The following HTR3E variants were observed in gnomAD, a reference collection of about 807,000 sequenced individuals.
HTR3E encodes 5-hydroxytryptamine (serotonin) receptor 3, family member E.
Under a neutral mutation model 38.0 loss-of-function variants are expected in HTR3E, and 38 were observed. That is an observed-to-expected ratio of 1.00 (90% confidence interval 0.77 to 1.31). HTR3E has a LOEUF of 1.31. Among genes scored for constraint, HTR3E ranks in the 50% most tolerant of loss-of-function variants. HTR3E has a pLI of 0.00. For missense variants in HTR3E, 547 were observed against 585.2 expected (o/e 0.93, Z 0.67); for synonymous variants, 210 against 232.9 (o/e 0.90, Z 0.89).
At chr3:184,103,664 G>A (rs1430622421) in intron 3 of HTR3E, among the ~76,000 whole-genome samples, 2 of 149,608 alleles carry the variant, frequency 1.3e-5, no homozygotes, top group African/African-American at 2.5e-5. Context: ...CCAGATGGTG[G>A]CACACACCTG....
intron 3 of HTR3E, 133 bp downstream of exon 3, chr3:184,101,662 A>G (rs750845498): frequency 9.9e-5 from 79 of 800,258 alleles, no homozygotes; most frequent in Middle Eastern, 7.1e-4. Context: ...AAAATCGACC[A>G]TAATGGTGAG....
In HTR3E at chr3:184,100,485, G is replaced by T; in HGVS notation, c.68G>T (p.Gly23Val). 6.2e-7 allele frequency: 1 copy of T among 1,614,170 alleles called. No homozygotes were observed. Residue 23 changes from glycine (G) to valine (V), a missense_variant and splice_region_variant, in exon 2 of 9, where the codon GGA becomes GTA. Physicochemically the swap from Gly to Val is moderately radical, Grantham distance 109. Coordinates refer to ENST00000415389, the MANE Select transcript of HTR3E (RefSeq NM_001256613.2). ...FYLLLGFLLQ[G>V]RGVTFTINCS... is the part of the protein sequence containing the mutation. The stretch of plus-strand genomic sequence containing the variant: ...CTCACACATTCGATGTCCACTACAG[G>T]AAGGGGCGTTACTTTCACCATCAAT...
chr3:184,105,788 T>C lies in HTR3E; in HGVS notation c.744T>C (p.Ser248=), dbSNP rs4912524. Residue 248 remains serine, a synonymous_variant, in exon 7 of 9, where the codon AGT becomes AGC. Transcript: ENST00000415389. Reference sequence around the variant, plus strand: ...AGGTGGCCATCAGGCGCAGGCCCAGTCTCTATGTCATAAACCTTCTCGTGC... The same window carrying C: ...AGGTGGCCATCAGGCGCAGGCCCAGCCTCTATGTCATAAACCTTCTCGTGC... ...VFYVAIRRRP[S]LYVINLLVPS... is the part of the protein sequence containing the mutation. The C allele has an allele frequency of 1, 1,607,301 of 1,614,168 alleles. 800,236 individuals carry two copies. The highest frequency in any genetic ancestry group is 1 in the East Asian group (44,859 of 44,860).
At chr3:184,101,262 G>A (rs867354433) in intron 2 of HTR3E, among the ~76,000 whole-genome samples, 2 of 152,146 alleles carry the variant, frequency 1.3e-5, no homozygotes, top group African/African-American at 2.4e-5. Context: ...AGCTTCTCGA[G>A]TTATTCTCAT....
chr3:184,104,826 TG>T lies in HTR3E; in HGVS notation c.430del (p.Val144Ter), dbSNP rs760810592. 6.8e-6 allele frequency: 11 copies of T among 1,613,804 alleles called. No individual in the cohort carries two copies. On this transcript the variant is annotated frameshift_variant, in exon 5 of 9. Transcript: ENST00000415389. LOFTEE classifies it high-confidence loss of function. ...AGACCCCAAAAGGCCTCACAGCATA[TG>T]TAAGTAATGAAGGTCGCATCAGGTA... The part of the protein sequence containing the change: ...DKTPKGLTAY[V>X]SNEGRIRYKK...
chr3:184,102,822 G>C (rs559340318), intron 3 of HTR3E, among the ~76,000 whole-genome samples: 46 of 152,052 alleles, frequency 3.0e-4, no homozygotes, highest in East Asian at 2.5e-3. Flanking sequence ...CTACTCGGGA[G>C]GCTGAGGCAC....
At position 184,104,972 on chromosome 3, in the gene HTR3E, G is replaced by C; in HGVS notation, c.559+16G>C. 6.2e-7 allele frequency: 1 copy of C among 1,605,052 alleles called. No individual in the cohort carries two copies. The highest frequency in any genetic ancestry group is 8.5e-7 in the Non-Finnish European group (1 of 1,175,758). ...CTCTACACAGGTAAGTTGCAGTGAG[G>C]TCTCAGGGATGGGGTGAATGAGAGC... On this transcript the variant is annotated intron_variant, in intron 5 of 8. Transcript: ENST00000415389.
At chr3:184,102,943 A>G (rs563450541) in intron 3 of HTR3E, among the ~76,000 whole-genome samples, 2 of 152,262 alleles carry the variant, frequency 1.3e-5, no homozygotes, top group East Asian at 3.9e-4. Flanking sequence ...AAAAGAAAAG[A>G]AAACCTTGTT....
In HTR3E at chr3:184,105,941, G is replaced by T. The variant is rs187832026; in HGVS notation, c.897G>T (p.Leu299Phe). ...YNVFLLMMSD[L>F]LPTSGTPLIG... ...TCTTCCTGCTCATGATGAGTGACTT[G>T]CTCCCCACCAGTGGCACCCCCCTCA... Residue 299 changes from leucine to phenylalanine, a missense_variant, in exon 7 of 9, where the codon TTG becomes TTT. Coordinates refer to ENST00000415389, the MANE Select transcript of HTR3E (RefSeq NM_001256613.2). 265 of 1,614,144 alleles carry T rather than the reference G, an allele frequency of 1.6e-4. No individual in the cohort carries two copies. The East Asian group carries it at 4.7e-3, about 29-fold the overall frequency.
chr3:184,106,538 T>C lies in HTR3E; in HGVS notation c.1216T>C (p.Trp406Arg). The C allele has an allele frequency of 4.3e-6, 7 of 1,613,896 alleles. No individual in the cohort carries two copies. Among genetic ancestry groups the C allele is most frequent in the African/African-American group, 1.3e-5 (1 of 75,046 alleles). The change falls in exon 9 of 9, where the codon TGG becomes CGG. Residue 406 changes from tryptophan (W) to arginine (R), a missense_variant. Transcript: ENST00000415389. This position sits in a 1 kb window ranked among gnomAD's most constrained non-coding sequence, Gnocchi z 4.1. ...AEAELTGGSE[W>R]TRAQREHEAQ... ...GGCAGAGCTGACAGGGGGCTCAGAA[T>C]GGACAAGGGCCCAGCGGGAACACGA...
At chr3:184,104,574 CTGG>C (rs1712290792) in intron 4 of HTR3E, among the ~76,000 whole-genome samples, 1 of 149,536 alleles carries the variant, frequency 6.7e-6, no homozygotes. Context: ...TTAGCCAGGC[CTGG>C]TGGTGCGCCT....
chr3:184,105,456 TCCTC>T (rs1418161575), intron 6 of HTR3E, 29 bp downstream of exon 6: 15 of 1,576,790 alleles, frequency 9.5e-6, no homozygotes, highest in Non-Finnish European at 1.3e-5. Context: ...ACTCTTTCCT[TCCTC>T]CCGCACTTTT....
rs1406291365 is a variant in HTR3E at position 184,099,738 on chromosome 3, AAAG to A, written c.68-744_68-742del. On this transcript the variant is annotated intron_variant, in intron 1 of 8. Transcript: ENST00000415389. ...TCCGTCTCAAAAAAAAAAAAAAAAAAAAGAAAGAAATATGCACAATTATTATAT... is the reference window on the plus strand; with the variant it reads ...TCCGTCTCAAAAAAAAAAAAAAAAAAAAAGAAATATGCACAATTATTATAT... Among the ~76,000 whole-genome samples, 25 of 147,366 alleles carry A rather than the reference AAAG, an allele frequency of 1.7e-4. 1 individual carries two copies. The highest frequency in any genetic ancestry group is 4.4e-4 in the African/African-American group (17 of 38,748).
intron 2 of HTR3E, 93 bp from the exon 3 acceptor site, chr3:184,101,392 A>G: frequency 2.9e-6 from 3 of 1,023,592 alleles, no homozygotes; most frequent in Non-Finnish European, 4.7e-6. Flanking sequence ...CCCTTTATAT[A>G]CCTTGGGAGT....
intron 3 of HTR3E, 63 bp from the exon 4 acceptor site, chr3:184,104,119 C>CTT: frequency 2.4e-5 from 26 of 1,087,462 alleles, no homozygotes; most frequent in South Asian, 4.6e-5. Flanking sequence ...TATTTCATAA[C>CTT]TTTTTTTTTT....
chr3:184,101,379 A>G, intron 2 of HTR3E, 106 bp from the exon 3 acceptor site: 2 of 922,994 alleles, frequency 2.2e-6, no homozygotes, highest in Non-Finnish European at 3.6e-6. Flanking sequence ...TGGATCACAT[A>G]TCCCCTTTAT....
intron 5 of HTR3E, 153 bp downstream of exon 5, chr3:184,105,109 T>C: frequency 8.7e-7 from 1 of 1,144,998 alleles, no homozygotes; most frequent in Non-Finnish European, 1.2e-6. Context: ...AGAACCCAAG[T>C]CTGTCTTGTT....
chr3:184,104,893 A>T lies in HTR3E; in HGVS notation c.496A>T (p.Ile166Phe). The T allele has an allele frequency of 6.2e-7, 1 of 1,614,114 alleles. No homozygotes were observed. Among genetic ancestry groups the T allele is most frequent in the Non-Finnish European group, 8.5e-7 (1 of 1,180,018 alleles). Residue 166 changes from isoleucine (I) to phenylalanine (F), a missense_variant, in exon 5 of 9, where the codon ATC becomes TTC. Transcript: ENST00000415389. ...GGTGGACAGTATCTGTAACCTGGAC[A>T]TCTTCTACTTCCCCTTCGACCAGCA... ...MKVDSICNLD[I>F]FYFPFDQQNC... is the part of the protein sequence containing the mutation.
In HTR3E at chr3:184,106,804, T is replaced by C; in HGVS notation, c.*111T>C. The C allele has an allele frequency of 9.2e-7, 1 of 1,089,664 alleles. No individual in the cohort carries two copies. The highest frequency in any genetic ancestry group is 1.5e-5 in the South Asian group (1 of 68,084). 67.5% of individuals were successfully genotyped at this position (1,089,664 alleles called of 1,614,324 possible). A position where few individuals can be genotyped will look rare whatever the true frequency, so the allele number is the denominator to read the frequency against. ...TATCATATCCCCAAAGATGACTGAGTCTCTGCTGTATTCCATGTATCCCAA... is the reference window on the plus strand; with the variant it reads ...TATCATATCCCCAAAGATGACTGAGCCTCTGCTGTATTCCATGTATCCCAA... On this transcript the variant is annotated 3_prime_UTR_variant, in exon 9 of 9. Coordinates refer to ENST00000415389, the MANE Select transcript of HTR3E (RefSeq NM_001256613.2). The surrounding 1 kb of genome is among the most constrained non-coding windows in gnomAD (Gnocchi z 4.1).
Sources: allele counts gnomAD v4.1 joint callset (sites outside exome capture counted in the v4.1 genomes callset), GRCh38; gene constraint gnomAD v4.1.1; non-coding constraint Gnocchi (gnomAD v3.1); transcripts MANE v1.5; gene names NCBI Gene and HGNC (gene_info 2026-07-23, HGNC 2026-07-21).